SNX29: variants seen among roughly 807,000 people sequenced by gnomAD.
SNX29 encodes sorting nexin-29.
Under a neutral mutation model 102.1 loss-of-function variants are expected in SNX29, and 78 were observed. The observed-to-expected ratio is 0.76, with a 90% CI of 0.64 to 0.92. The LOEUF is 0.92. Among genes scored for constraint, SNX29 ranks in the 40% least tolerant of loss-of-function variants. The pLI, the probability that SNX29 is intolerant of heterozygous loss-of-function variation, is 0.00. For synonymous variants in SNX29, 580 were observed against 414.5 expected (o/e 1.40, Z -4.85); for missense variants, 1,280 against 1,061.7 (o/e 1.21, Z -2.86).
chr16:12,275,731 T>G (rs1337921963), intron 14 of SNX29, among the ~76,000 whole-genome samples: 1 of 151,988 alleles, frequency 6.6e-6, no homozygotes, highest in Non-Finnish European at 1.5e-5. Context: ...ATAAAAACCT[T>G]TTTTTGCTTT....
rs71386703 is a variant in SNX29, at chr16:12,336,361, A to G, written c.1783-19802A>G. Among the ~76,000 whole-genome samples the G allele has an allele frequency of 4.5e-3, 693 of 152,348 alleles. 3 individuals carry two copies. Among genetic ancestry groups the G allele is most frequent in the South Asian group, 0.022 (104 of 4,824 alleles). ...CAGAGCAGTTCTTGGCAAGAATTTAACAACAAATCTTGACATGAAACTGTG... is the reference window on the plus strand; with the variant it reads ...CAGAGCAGTTCTTGGCAAGAATTTAGCAACAAATCTTGACATGAAACTGTG... On this transcript the variant is annotated intron_variant, in intron 15 of 20. Coordinates refer to ENST00000566228, the MANE Select transcript of SNX29 (RefSeq NM_032167.5).
At chr16:12,057,168 T>A (rs1465081905) in intron 8 of SNX29, among the ~76,000 whole-genome samples, 1 of 152,140 alleles carries the variant, frequency 6.6e-6, no homozygotes, top group Non-Finnish European at 1.5e-5. Flanking sequence ...GGTAGGGAAG[T>A]AGGGGGAAAC....
chr16:12,030,503 C>T (rs2057308816), intron 4 of SNX29, among the ~76,000 whole-genome samples: 3 of 152,208 alleles, frequency 2.0e-5, no homozygotes, highest in Admixed American at 6.5e-5. Flanking sequence ...CAAAACCAGT[C>T]CCACAAAGAG....
intron 14 of SNX29, among the ~76,000 whole-genome samples, chr16:12,204,669 G>C (rs2077001293): frequency 6.6e-6 from 1 of 152,250 alleles, no homozygotes; most frequent in African/African-American, 2.4e-5. Flanking sequence ...CTTGACAGAT[G>C]AGGGAGGCTT....
intron 16 of SNX29, among the ~76,000 whole-genome samples, chr16:12,382,002 A>G (rs1436871205): frequency 6.6e-6 from 1 of 151,782 alleles, no homozygotes; most frequent in Non-Finnish European, 1.5e-5. Context: ...ATTTGTACCT[A>G]AAGTCATCAC....
At chr16:12,363,244 A>C (rs1052837232) in intron 16 of SNX29, among the ~76,000 whole-genome samples, 2 of 152,236 alleles carry the variant, frequency 1.3e-5, no homozygotes, top group African/African-American at 4.8e-5. Context: ...CAGCCAGGGC[A>C]GAAGAAAGAA....
chr16:12,413,697 G>A (rs1449142876), intron 18 of SNX29, among the ~76,000 whole-genome samples: 3 of 152,192 alleles, frequency 2.0e-5, no homozygotes, highest in Non-Finnish European at 2.9e-5. Flanking sequence ...TTGGAGGTGG[G>A]CAGCATGTTG....
At chr16:12,296,211 T>C (rs1409694254) in intron 15 of SNX29, among the ~76,000 whole-genome samples, 1 of 152,264 alleles carries the variant, frequency 6.6e-6, no homozygotes, top group Non-Finnish European at 1.5e-5. Flanking sequence ...TCATAATGAC[T>C]GCCTTCCTGG....
chr16:12,151,054 A>G (rs2055278424), intron 13 of SNX29, among the ~76,000 whole-genome samples: 1 of 152,148 alleles, frequency 6.6e-6, no homozygotes, highest in Non-Finnish European at 1.5e-5. Flanking sequence ...TTTATTTAAA[A>G]ATTTTTAAAT....
At chr16:12,550,230 TC>T (rs1477881065) in intron 20 of SNX29, among the ~76,000 whole-genome samples, 1 of 152,154 alleles carries the variant, frequency 6.6e-6, no homozygotes, top group Non-Finnish European at 1.5e-5. Flanking sequence ...ACAATACCTT[TC>T]TAATTTTAGA....
rs566854126 is a variant in SNX29, at chr16:12,435,327, A to C, written c.2037+31798A>C. The stretch of plus-strand genomic sequence containing the variant: ...CTTCTGCCTTACAACTGTTTCTTAA[A>C]ATTCTGAAGTGTTCTCTAGATCAGA... On this transcript the variant is annotated intron_variant, in intron 18 of 20. Coordinates refer to ENST00000566228, the MANE Select transcript of SNX29 (RefSeq NM_032167.5). Among the ~76,000 whole-genome samples the C allele has an allele frequency of 1.4e-4, 21 of 152,290 alleles. No homozygotes were observed. In the South Asian group the frequency reaches 4.2e-3, roughly 30 times the overall value.
chr16:12,234,010 T>C (rs559527489), intron 14 of SNX29, among the ~76,000 whole-genome samples: 310 of 152,348 alleles, frequency 2.0e-3, no homozygotes, highest in African/African-American at 7.2e-3. Flanking sequence ...CGTTAGTCGA[T>C]GGACATTTGG....
chr16:12,218,480 G>A lies in SNX29; in HGVS notation c.1678+18797G>A, dbSNP rs575288968. ...ATATTCATTCATTATTTCCATCTCC[G>A]CTTTTGAGCTATAACACAAGAGTTG... On this transcript the variant is annotated intron_variant, in intron 14 of 20. Coordinates refer to ENST00000566228, the MANE Select transcript of SNX29 (RefSeq NM_032167.5). 3.4e-4 allele frequency among the ~76,000 whole-genome samples: 51 copies of A among 152,204 alleles called. No homozygotes were observed. The South Asian group carries it at 8.5e-3, about 25-fold the overall frequency.
intron 18 of SNX29, among the ~76,000 whole-genome samples, chr16:12,448,591 T>C (rs923012352): frequency 1.3e-5 from 2 of 152,040 alleles, no homozygotes; most frequent in African/African-American, 4.8e-5. Context: ...TTCTGAGAAG[T>C]TGATGAGAAA....
In SNX29 at chr16:12,480,909, C is replaced by T. The variant is rs1333567305; in HGVS notation, c.2178+3050C>T. Reference sequence around the variant, plus strand: ...TTGGTTTTTTGGAGGCAAAGTCTTACTCTGTTCCCAGGCTGGAGTGCAGTG... The same window carrying T: ...TTGGTTTTTTGGAGGCAAAGTCTTATTCTGTTCCCAGGCTGGAGTGCAGTG... On this transcript the variant is annotated intron_variant, in intron 19 of 20. Coordinates refer to ENST00000566228, the MANE Select transcript of SNX29 (RefSeq NM_032167.5). 3.3e-5 allele frequency among the ~76,000 whole-genome samples: 5 copies of T among 152,220 alleles called. No homozygotes were observed. In the East Asian group the frequency reaches 7.7e-4, roughly 23 times the overall value.
At chr16:12,525,952 A>G (rs1455594345) in intron 20 of SNX29, among the ~76,000 whole-genome samples, 1 of 152,136 alleles carries the variant, frequency 6.6e-6, no homozygotes, top group East Asian at 1.9e-4. Flanking sequence ...TAACCTGGGA[A>G]TGCTGACATT....
At chr16:12,537,132 G>A (rs535420154) in intron 20 of SNX29, among the ~76,000 whole-genome samples, 1 of 152,176 alleles carries the variant, frequency 6.6e-6, no homozygotes, top group African/African-American at 2.4e-5. Flanking sequence ...TGGTGAAATG[G>A]ATCTCAGAGG....
intron 20 of SNX29, among the ~76,000 whole-genome samples, chr16:12,550,347 C>G (rs2077892845): frequency 6.6e-6 from 1 of 152,044 alleles, no homozygotes. Flanking sequence ...CCAGCCTAGC[C>G]AACAAGAGGA....
chr16:12,309,616 C>T (rs957744975), intron 15 of SNX29, among the ~76,000 whole-genome samples: 1 of 152,206 alleles, frequency 6.6e-6, no homozygotes, highest in South Asian at 2.1e-4. Context: ...CCTGTCGTCA[C>T]ATAGTAGGTC....
Sources: gnomAD v4.1 joint callset for allele counts (sites outside exome capture counted in the v4.1 genomes callset) on GRCh38, gnomAD v4.1.1 for gene constraint, MANE v1.5 for transcripts, NCBI Gene and HGNC (gene_info 2026-07-23, HGNC 2026-07-21) for gene names.